The following GPATCH2L variants were observed in gnomAD, a reference collection of about 807,000 sequenced individuals.
The protein encoded by GPATCH2L is G-patch domain containing 2 like, also known as G patch domain-containing protein 2-like.
A neutral mutation model predicts 57.4 loss-of-function variants in GPATCH2L; 31 were observed. The ratio of observed to expected loss-of-function variants is 0.54; its 90% confidence interval spans 0.41 to 0.73. The LOEUF (loss-of-function observed/expected upper bound fraction) is 0.73. GPATCH2L is among the 30% of genes least tolerant of loss of function. The probability of loss-of-function intolerance (pLI) is 0.00; values close to 1 mark genes in which losing one functional copy is unlikely to be tolerated. For missense variants in GPATCH2L, 481 were observed against 599.9 expected, an observed-to-expected ratio of 0.80 and a Z score of 2.07; for synonymous variants, 199 against 210.7, an observed-to-expected ratio of 0.94 and a Z score of 0.48.
At chr14:76,232,012 A>AGGCTCACT (rs2040572708) in intron 2 of GPATCH2L, among the ~76,000 whole-genome samples, 2 of 2,404 alleles carry the variant, frequency 8.3e-4, no homozygotes, top group East Asian at 0.014. Context: ...TGCAGGCTCA[A>AGGCTCACT]GCAATCTTCC....
rs538392324 is a variant in GPATCH2L, at chr14:76,157,657, C to A, written c.662+2632C>A. 1.1e-4 allele frequency among the ~76,000 whole-genome samples: 16 copies of A among 139,662 alleles called. No individual in the cohort carries two copies. In the South Asian group the frequency reaches 1.5e-3, roughly 13 times the overall value. The allele number at this position is 139,662 out of a possible 152,430, so 91.6% of individuals were successfully genotyped here. A position where few individuals can be genotyped will look rare whatever the true frequency, so the allele number is the denominator to read the frequency against. On this transcript the variant is annotated intron_variant, in intron 2 of 9. Coordinates refer to ENST00000261530, the MANE Select transcript of GPATCH2L (RefSeq NM_017926.4). ...AAGTTGATTGTTAAGCTTAGCTTAG[C>A]CTAGTCAATGGTAGCGTTTTTTTTT...
Position 76,154,775 on chromosome 14 carries a change from G to A in GPATCH2L, c.412G>A (p.Glu138Lys), listed in dbSNP as rs1317881660. 6.2e-7 allele frequency: 1 copy of A among 1,614,236 alleles called. No homozygotes were observed. Among genetic ancestry groups the A allele is most frequent in the Non-Finnish European group, 8.5e-7 (1 of 1,180,036 alleles). Residue 138 changes from glutamate (E) to lysine (K), a missense_variant, in exon 2 of 10, where the codon GAG becomes AAG. Physicochemically the swap from Glu to Lys is moderately conservative, Grantham distance 56. Around this residue, in one of 3 missense-constraint regions of GPATCH2L, gnomAD observed 208 missense variants for 272.4 expected, o/e 0.76. Transcript: ENST00000261530. This position sits in a 1 kb window ranked among gnomAD's most constrained non-coding sequence, Gnocchi z 4.4. ...RRRKVKRVTSEVAASLQQKLK... is the reference protein window; with the variant it reads ...RRRKVKRVTSKVAASLQQKLK... ...GCGGAAGGTGAAGCGAGTGACATCA[G>A]AGGTGGCTGCTAGCCTTCAGCAGAA...
intron 1 of GPATCH2L, chr14:76,152,705 G>A (rs2038109258): frequency 2.2e-6 from 1 of 455,988 alleles, no homozygotes; most frequent in Admixed American, 2.3e-5. Context: ...ATTCTGCACA[G>A]GCATTCGACT....
At chr14:76,227,421 CA>C in intron 1 of GPATCH2L, among the ~76,000 whole-genome samples, 1 of 152,102 alleles carries the variant, frequency 6.6e-6, no homozygotes, top group East Asian at 1.9e-4. Context: ...TACCAGAGTC[CA>C]GGGGGGAGGG....
chr14:76,198,193 A>G (rs967289110), intron 9 of GPATCH2L, among the ~76,000 whole-genome samples: 6 of 152,150 alleles, frequency 3.9e-5, no homozygotes, highest in African/African-American at 1.4e-4. Flanking sequence ...TCTAGCATGC[A>G]GGTGTCTAGT....
intron 2 of GPATCH2L, among the ~76,000 whole-genome samples, chr14:76,231,563 C>G (rs867431439): frequency 6.6e-6 from 1 of 151,152 alleles, no homozygotes; most frequent in African/African-American, 2.4e-5. Flanking sequence ...AGTCATGAAC[C>G]ATCTTCCTTT....
At chr14:76,198,764 T>G (rs1406326663) in intron 9 of GPATCH2L, among the ~76,000 whole-genome samples, 2 of 148,670 alleles carry the variant, frequency 1.3e-5, no homozygotes, top group Admixed American at 1.4e-4. Context: ...TCAAATGTAT[T>G]GTCAGATGCA....
chr14:76,184,379 C>T (rs540443458), intron 8 of GPATCH2L, among the ~76,000 whole-genome samples: 1 of 151,996 alleles, frequency 6.6e-6, no homozygotes, highest in East Asian at 1.9e-4. Context: ...GGTTACTGAG[C>T]TGAGGCTGCT....
Position 76,187,414 on chromosome 14 carries a change from GT to G in GPATCH2L, c.1193+6567del, listed in dbSNP as rs2039808870. Among the ~76,000 whole-genome samples, 4 of 151,826 alleles carry G rather than the reference GT, an allele frequency of 2.6e-5. No homozygotes were observed. In the South Asian group the frequency reaches 8.3e-4, roughly 32 times the overall value. ...ATTGGGTAGGCCTCCATACATTTTTGTTAAAAATAATTGAGGTGAATAGATT... is the reference window on the plus strand; with the variant it reads ...ATTGGGTAGGCCTCCATACATTTTTGTAAAAATAATTGAGGTGAATAGATT... On this transcript the variant is annotated intron_variant, in intron 8 of 9. Transcript: ENST00000261530.
chr14:76,204,540 G>T lies in GPATCH2L; in HGVS notation c.*2689G>T, dbSNP rs1191224411. On this transcript the variant is annotated 3_prime_UTR_variant, in exon 10 of 10. Transcript: ENST00000261530. ...AAATGAGTGTATTTTGAATCTTAAA[G>T]TTTCTTTATATGCGGCACAGTGTAT... The T allele has an allele frequency of 6.6e-6, 1 of 152,142 alleles. No individual in the cohort carries two copies. Among genetic ancestry groups the T allele is most frequent in the Non-Finnish European group, 1.5e-5 (1 of 68,024 alleles). 9.4% of individuals were successfully genotyped at this position (152,142 alleles called of 1,614,324 possible). A position where few individuals can be genotyped will look rare whatever the true frequency, so the allele number is the denominator to read the frequency against.
intron 1 of GPATCH2L, chr14:76,152,525 C>G: frequency 2.6e-6 from 1 of 383,280 alleles, no homozygotes. Context: ...TTCTTACTTG[C>G]TGTCCACCAG....
rs1263877551 is a variant in GPATCH2L at position 76,212,801 on chromosome 14, A to G, written c.*10950A>G. 3.3e-5 allele frequency: 5 copies of G among 152,158 alleles called. No homozygotes were observed. The highest frequency in any genetic ancestry group is 7.2e-5 in the African/African-American group (3 of 41,464). 9.4% of individuals were successfully genotyped at this position (152,158 alleles called of 1,614,324 possible). On this transcript the variant is annotated 3_prime_UTR_variant, in exon 10 of 10. Coordinates refer to ENST00000261530, the MANE Select transcript of GPATCH2L (RefSeq NM_017926.4). ...GATGGCATTTGCTGATAAAAATGCA[A>G]TAAACTTAGAATTTGAGGATAGGTG...
At chr14:76,180,733 C>T in intron 7 of GPATCH2L, 31 bp from the exon 8 acceptor site, 1 of 1,429,294 alleles carries the variant, frequency 7.0e-7, no homozygotes, top group South Asian at 1.1e-5. Flanking sequence ...TCATGTAAGC[C>T]TTACTAAAAT....
At chr14:76,159,349 C>G (rs556192124) in intron 2 of GPATCH2L, among the ~76,000 whole-genome samples, 1 of 152,348 alleles carries the variant, frequency 6.6e-6, no homozygotes, top group African/African-American at 2.4e-5. Context: ...GAATGATATT[C>G]CCTTTTCTCT....
At position 76,226,584 on chromosome 14, in the gene GPATCH2L, C is replaced by T. The variant is rs75805091; in HGVS notation, c.66-3224C>T. On this transcript the variant is annotated intron_variant and NMD_transcript_variant, in intron 1 of 3. Coordinates refer to the GPATCH2L transcript ENST00000556372. ...TTGGAAACTTCATCCCCAATGCCAC[C>T]GTGTTGGGAGGTGGGACCTAACTGG... Among the ~76,000 whole-genome samples the T allele has an allele frequency of 4.1e-3, 625 of 152,242 alleles. 1 individual carries two copies. The highest frequency in any genetic ancestry group is 0.015 in the African/African-American group (603 of 41,534).
chr14:76,157,222 T>C (rs2038350225), intron 2 of GPATCH2L, among the ~76,000 whole-genome samples: 1 of 152,212 alleles, frequency 6.6e-6, no homozygotes, highest in African/African-American at 2.4e-5. Flanking sequence ...ACAGAAGTGC[T>C]TTGTATTTTT....
At chr14:76,230,821 G>A (rs1324871237) in intron 2 of GPATCH2L, among the ~76,000 whole-genome samples, 1 of 152,146 alleles carries the variant, frequency 6.6e-6, no homozygotes, top group Non-Finnish European at 1.5e-5. Flanking sequence ...TATCATCTCT[G>A]CACTTGGAGC....
downstream of GPATCH2L, among the ~76,000 whole-genome samples, chr14:76,217,189 T>C (rs1055570800): frequency 6.6e-6 from 1 of 152,212 alleles, no homozygotes; most frequent in Non-Finnish European, 1.5e-5. Context: ...TTTGGACTGC[T>C]GCAAGCTAAG....
At position 76,210,167 on chromosome 14, in the gene GPATCH2L, A is replaced by G. The variant is rs2040423958; in HGVS notation, c.*8316A>G. 1 of 152,176 alleles carries G rather than the reference A, an allele frequency of 6.6e-6. No homozygotes were observed. Among genetic ancestry groups the G allele is most frequent in the South Asian group, 2.1e-4 (1 of 4,816 alleles). The allele number at this position is 152,176 out of a possible 1,614,324, so 9.4% of individuals were successfully genotyped here. The stretch of plus-strand genomic sequence containing the variant: ...GTACCTAATAATAATAATGGCAAAT[A>G]TGTATTTGGTGGTCTGCCATTTGGA... On this transcript the variant is annotated 3_prime_UTR_variant, in exon 10 of 10. Transcript: ENST00000261530.
Sources: allele counts gnomAD v4.1 joint callset (sites outside exome capture counted in the v4.1 genomes callset), GRCh38; gene constraint gnomAD v4.1.1; regional missense constraint gnomAD v4.1.1; non-coding constraint Gnocchi (gnomAD v3.1); transcripts MANE v1.5; gene names NCBI Gene and HGNC (gene_info 2026-07-23, HGNC 2026-07-21).